The following TMEM39A variants were observed in gnomAD, a reference collection of about 807,000 sequenced individuals.
TMEM39A encodes transmembrane protein 39A.
A neutral mutation model predicts 51.9 loss-of-function variants in TMEM39A; 19 were observed. The observed-to-expected ratio is 0.37, with a 90% CI of 0.26 to 0.54. The LOEUF is 0.54. Among genes scored for constraint, TMEM39A ranks in the 20% least tolerant of loss-of-function variants. The pLI is 0.88. For missense variants in TMEM39A, 433 were observed against 590.5 expected (o/e 0.73, Z 2.76); for synonymous variants, 197 against 220.2 (o/e 0.89, Z 0.93).
chr3:119,438,465 T>G (rs1315911452), intron 5 of TMEM39A, among the ~76,000 whole-genome samples: 3 of 152,244 alleles, frequency 2.0e-5, no homozygotes, highest in Non-Finnish European at 4.4e-5. Context: ...TTTGGCTTCA[T>G]ACAGTACCAT....
chr3:119,435,306 A>ATC (rs2080953359), intron 7 of TMEM39A: 1 of 985,304 alleles, frequency 1.0e-6, no homozygotes, highest in Non-Finnish European at 1.2e-6. Flanking sequence ...CACATTGTCA[A>ATC]TCTAGCATGA....
Position 119,438,047 on chromosome 3 carries a change from A to G in TMEM39A, c.632T>C (p.Leu211Pro). Residue 211 changes from leucine to proline, a missense_variant, in exon 6 of 9, where the codon CTT becomes CCT. By Grantham distance (98) the Leu-to-Pro change is moderately conservative (BLOSUM62 -3). Coordinates refer to ENST00000319172, the MANE Select transcript of TMEM39A (RefSeq NM_018266.3). ...AACCACATAGTTGTAGTCTGTGAGA[A>G]GAAGATGTGCTCTACTATCTTGATG... Reference protein sequence around the residue: ...CFHQDSRAHLLLTDYNYVVQH... With the variant: ...CFHQDSRAHLPLTDYNYVVQH... 6.2e-7 allele frequency: 1 copy of G among 1,609,114 alleles called. No individual in the cohort carries two copies. Among genetic ancestry groups the G allele is most frequent in the Non-Finnish European group, 8.5e-7 (1 of 1,175,652 alleles).
At chr3:119,434,998 G>A in intron 7 of TMEM39A, 116 bp from the exon 8 acceptor site, 1 of 1,437,126 alleles carries the variant, frequency 7.0e-7, no homozygotes, top group Non-Finnish European at 9.3e-7. Context: ...TCATCTGCCT[G>A]AATTCTGAAA....
chr3:119,451,644 G>A lies in TMEM39A; in HGVS notation c.420+803C>T, dbSNP rs373794728. ...TCGGGAGTTCGAGACCAGCCTGACC[G>A]ACATGGAGAAACCCCGTCTCTACTA... On this transcript the variant is annotated intron_variant, in intron 4 of 8. Coordinates refer to ENST00000319172, the MANE Select transcript of TMEM39A (RefSeq NM_018266.3). Among the ~76,000 whole-genome samples, 5 of 151,772 alleles carry A rather than the reference G, an allele frequency of 3.3e-5. No individual in the cohort carries two copies. The East Asian group carries it at 9.7e-4, about 29-fold the overall frequency.
chr3:119,455,283 C>T (rs1158788745), intron 3 of TMEM39A, among the ~76,000 whole-genome samples: 1 of 152,206 alleles, frequency 6.6e-6, no homozygotes, highest in African/African-American at 2.4e-5. Context: ...TATCTTTGAA[C>T]AACTCACTGA....
At chr3:119,459,617 T>C (rs1351192927) in intron 2 of TMEM39A, among the ~76,000 whole-genome samples, 1 of 152,166 alleles carries the variant, frequency 6.6e-6, no homozygotes, top group Non-Finnish European at 1.5e-5. Context: ...TTAAATACAC[T>C]GTTGCAAGAA....
At chr3:119,438,411 T>C (rs1471158362) in intron 5 of TMEM39A, among the ~76,000 whole-genome samples, 3 of 152,220 alleles carry the variant, frequency 2.0e-5, no homozygotes, top group Non-Finnish European at 4.4e-5. Context: ...ATATAAAGTT[T>C]GTAAACTTTG....
Position 119,434,527 on chromosome 3 carries a change from A to G in TMEM39A, c.1233+235T>C, listed in dbSNP as rs889718280. 2.6e-5 allele frequency among the ~76,000 whole-genome samples: 4 copies of G among 152,212 alleles called. No homozygotes were observed. In the South Asian group the frequency reaches 6.2e-4, roughly 24 times the overall value. On this transcript the variant is annotated intron_variant, in intron 8 of 8. Transcript: ENST00000319172. ...GTAATACTAGATTCGACAAATACCA[A>G]TGTAACTAGAGAAACCAGCTAAGCT...
At chr3:119,441,462 C>T (rs752838168) in intron 5 of TMEM39A, among the ~76,000 whole-genome samples, 13 of 152,204 alleles carry the variant, frequency 8.5e-5, no homozygotes, top group Non-Finnish European at 1.9e-4. Flanking sequence ...CACGACATTG[C>T]CCTAAACCAA....
At chr3:119,448,643 C>G (rs1182301410) in intron 4 of TMEM39A, among the ~76,000 whole-genome samples, 1 of 152,218 alleles carries the variant, frequency 6.6e-6, no homozygotes. Context: ...TCAGTCATAG[C>G]CTGGCACATA....
chr3:119,440,281 C>G (rs949978664), intron 5 of TMEM39A, among the ~76,000 whole-genome samples: 9 of 152,168 alleles, frequency 5.9e-5, no homozygotes, highest in African/African-American at 2.2e-4. Flanking sequence ...GGCCCTCATT[C>G]TATGGGTGAG....
At chr3:119,442,844 GAGCCTAGGAGTTCGACACC>G in intron 5 of TMEM39A, among the ~76,000 whole-genome samples, 1 of 152,108 alleles carries the variant, frequency 6.6e-6, no homozygotes, top group Non-Finnish European at 1.5e-5. Flanking sequence ...TGGATCACTT[GAGCCTAGGAGTTCGACACC>G]AGCCTAGGCA....
intron 5 of TMEM39A, among the ~76,000 whole-genome samples, chr3:119,439,868 C>T (rs184330780): frequency 1.3e-5 from 2 of 151,986 alleles, no homozygotes; most frequent in East Asian, 1.9e-4. Flanking sequence ...CTTGGGCTCA[C>T]GCAATTCTCC....
At chr3:119,435,027 C>A in intron 7 of TMEM39A, 145 bp from the exon 8 acceptor site, 1 of 1,397,310 alleles carries the variant, frequency 7.2e-7, no homozygotes, top group Non-Finnish European at 9.4e-7. Context: ...ATTCCATGGT[C>A]AAACTGGAGT....
At chr3:119,450,144 A>G (rs916080485) in intron 4 of TMEM39A, among the ~76,000 whole-genome samples, 4 of 152,268 alleles carry the variant, frequency 2.6e-5, no homozygotes, top group Admixed American at 2.0e-4. Flanking sequence ...TAACACATTC[A>G]TATCACTCAA....
At chr3:119,436,681 A>G (rs1194950480) in intron 7 of TMEM39A, 110 bp downstream of exon 7, 3 of 1,220,314 alleles carry the variant, frequency 2.5e-6, no homozygotes, top group Middle Eastern at 2.9e-4. Context: ...TAAGACAAAA[A>G]CTAAAAATTA....
intron 5 of TMEM39A, among the ~76,000 whole-genome samples, chr3:119,438,570 T>C (rs1306243267): frequency 6.6e-6 from 1 of 152,190 alleles, no homozygotes; most frequent in African/African-American, 2.4e-5. Context: ...AGTCTAAATA[T>C]TTTTCTATAG....
intron 5 of TMEM39A, chr3:119,446,666 T>C (rs16829850): frequency 0.15 from 25,346 of 171,766 alleles, 2,296 homozygotes; most frequent in Admixed American, 0.2. Context: ...CAACCAAGGG[T>C]AAGACTGGTT....
chr3:119,438,328 C>T (rs1250590101), intron 5 of TMEM39A, among the ~76,000 whole-genome samples: 2 of 152,192 alleles, frequency 1.3e-5, no homozygotes, highest in East Asian at 1.9e-4. Context: ...TAAGAACCTA[C>T]AGAAAAACCA....
Sources: gnomAD v4.1 joint callset for allele counts (sites outside exome capture counted in the v4.1 genomes callset) on GRCh38, gnomAD v4.1.1 for gene constraint, MANE v1.5 for transcripts, NCBI Gene and HGNC (gene_info 2026-07-23, HGNC 2026-07-21) for gene names.